Variants in CRLF3 observed in about 807,000 individuals in gnomAD.
CRLF3 encodes the protein cytokine receptor like factor 3.
Under a neutral mutation model 55.0 loss-of-function variants are expected in CRLF3, and 33 were observed. The ratio of observed to expected loss-of-function variants is 0.60; its 90% confidence interval spans 0.46 to 0.80. The LOEUF (loss-of-function observed/expected upper bound fraction) is 0.80. Among genes scored for constraint, CRLF3 ranks in the 30% least tolerant of loss-of-function variants. CRLF3 has a pLI of 0.00. For synonymous variants in CRLF3, 238 were observed against 196.8 expected (o/e 1.21, Z -1.75); for missense variants, 494 against 538.4 (o/e 0.92, Z 0.82).
At position 30,788,599 on chromosome 17, in the gene CRLF3, C is replaced by CTTTTTTTTTTTTT. The variant is rs1159336036; in HGVS notation, c.960-2581_960-2569dup. On this transcript the variant is annotated intron_variant, in intron 6 of 7. Coordinates refer to ENST00000324238, the MANE Select transcript of CRLF3 (RefSeq NM_015986.4). The stretch of plus-strand genomic sequence containing the variant: ...GGGATAAATAACAAAGTAGTGCCTT[C>CTTTTTTTTTTTTT]TTTTTTTTTTTTTTTTTTTTTTTTT... Among the ~76,000 whole-genome samples, 19 of 80,038 alleles carry CTTTTTTTTTTTTT rather than the reference C, an allele frequency of 2.4e-4. 2 individuals carry two copies. The highest frequency in any genetic ancestry group is 9.9e-4 in the African/African-American group (17 of 17,232). The allele number at this position is 80,038 out of a possible 152,430, so 52.5% of individuals were successfully genotyped here.
At chr17:30,818,281 T>C (rs998690613) in intron 1 of CRLF3, among the ~76,000 whole-genome samples, 1 of 151,978 alleles carries the variant, frequency 6.6e-6, no homozygotes, top group Non-Finnish European at 1.5e-5. Flanking sequence ...TTATTTCATC[T>C]GTTCTTGGTT....
At chr17:30,790,606 C>CTTTTTTTTT (rs573997612) in intron 6 of CRLF3, 10 of 75,652 alleles carry the variant, frequency 1.3e-4, no homozygotes, top group African/African-American at 4.6e-4. Context: ...AATTTTTTTG[C>CTTTTTTTTT]TTTTTTTTTT....
At chr17:30,788,677 G>A (rs1039442995) in intron 6 of CRLF3, among the ~76,000 whole-genome samples, 1 of 137,698 alleles carries the variant, frequency 7.3e-6, no homozygotes, top group African/African-American at 2.8e-5. Flanking sequence ...GCGTGATCTC[G>A]GCTCACTGCA....
At chr17:30,812,173 A>G (rs1361989106) in intron 1 of CRLF3, among the ~76,000 whole-genome samples, 1 of 152,198 alleles carries the variant, frequency 6.6e-6, no homozygotes, top group Non-Finnish European at 1.5e-5. Flanking sequence ...CTGAAATTGA[A>G]AACGCTAATC....
At position 30,784,010 on chromosome 17, in the gene CRLF3, T is replaced by C. The variant is rs2142236152; in HGVS notation, c.*177A>G. The C allele has an allele frequency of 1.2e-5, 7 of 571,048 alleles. No homozygotes were observed. The highest frequency in any genetic ancestry group is 1.2e-4 in the South Asian group (5 of 40,998). The allele number at this position is 571,048 out of a possible 1,614,324, so 35.4% of individuals were successfully genotyped here. On this transcript the variant is annotated 3_prime_UTR_variant, in exon 8 of 8. Transcript: ENST00000324238. Reference sequence around the variant, plus strand: ...AATAAAATTGACTGAATTGTATGATTTTGTCCACAACATTGAAGTCTCTTT... The same window carrying C: ...AATAAAATTGACTGAATTGTATGATCTTGTCCACAACATTGAAGTCTCTTT...
At chr17:30,822,930 A>G (rs951192731) in intron 1 of CRLF3, among the ~76,000 whole-genome samples, 3 of 152,218 alleles carry the variant, frequency 2.0e-5, no homozygotes, top group Non-Finnish European at 4.4e-5. Context: ...ATATTTTCAA[A>G]GAGAAATAGA....
chr17:30,813,976 G>T lies in CRLF3; in HGVS notation c.130-9868C>A, dbSNP rs548358162. On this transcript the variant is annotated intron_variant, in intron 1 of 7. Transcript: ENST00000324238. ...GCCCTCAATAATAAAAAAAGGCTGG[G>T]TTGGGTGTGGTGGCTCTCACTTGTA... Among the ~76,000 whole-genome samples the T allele has an allele frequency of 2.3e-3, 357 of 152,292 alleles. 3 individuals carry two copies. The highest frequency in any genetic ancestry group is 8.1e-3 in the African/African-American group (336 of 41,564).
intron 1 of CRLF3, among the ~76,000 whole-genome samples, chr17:30,820,953 T>G (rs1482575025): frequency 6.6e-6 from 1 of 151,172 alleles, no homozygotes; most frequent in Non-Finnish European, 1.5e-5. Flanking sequence ...TACTTGGGGA[T>G]CTGAGACAGG....
At chr17:30,822,339 T>C (rs1271893186) in intron 1 of CRLF3, among the ~76,000 whole-genome samples, 1 of 152,222 alleles carries the variant, frequency 6.6e-6, no homozygotes, top group Non-Finnish European at 1.5e-5. Context: ...AGAGGACTTA[T>C]GCCACAAACC....
At chr17:30,799,204 C>T (rs1284427491) in intron 2 of CRLF3, among the ~76,000 whole-genome samples, 3 of 151,290 alleles carry the variant, frequency 2.0e-5, no homozygotes, top group African/African-American at 7.3e-5. Flanking sequence ...ACCTGCGAGG[C>T]GTAGGCTGCA....
chr17:30,787,112 G>C (rs755595270), intron 6 of CRLF3, among the ~76,000 whole-genome samples: 1 of 152,092 alleles, frequency 6.6e-6, no homozygotes, highest in Non-Finnish European at 1.5e-5. Context: ...CTGGGATTAC[G>C]GAGTGAGCCA....
At chr17:30,795,058 A>C (rs1407816424) in intron 4 of CRLF3, among the ~76,000 whole-genome samples, 2 of 152,206 alleles carry the variant, frequency 1.3e-5, no homozygotes, top group Non-Finnish European at 2.9e-5. Context: ...AAACACAAGT[A>C]AAAATACTTA....
At chr17:30,785,292 G>T (rs1319405229) in intron 7 of CRLF3, 4 of 151,444 alleles carry the variant, frequency 2.6e-5, no homozygotes, top group Non-Finnish European at 4.4e-5. Context: ...GGCCGGGCTG[G>T]TCTTGAACTC....
At chr17:30,824,477 C>G (rs768422282) in intron 1 of CRLF3, 46 bp downstream of exon 1, 3 of 1,531,508 alleles carry the variant, frequency 2.0e-6, no homozygotes, top group African/African-American at 1.4e-5. Context: ...CCGGCATCCG[C>G]GCCACCCCCG....
At chr17:30,819,076 C>CA (rs1370993038) in intron 1 of CRLF3, among the ~76,000 whole-genome samples, 1 of 152,216 alleles carries the variant, frequency 6.6e-6, no homozygotes, top group Non-Finnish European at 1.5e-5. Context: ...CTCGGCCTCC[C>CA]AAAGTGCTGG....
Position 30,824,674 on chromosome 17 carries a change from C to A in CRLF3, c.-23G>T. The A allele has an allele frequency of 6.3e-7, 1 of 1,582,912 alleles. No homozygotes were observed. Among genetic ancestry groups the A allele is most frequent in the Non-Finnish European group, 8.5e-7 (1 of 1,171,222 alleles). On this transcript the variant is annotated 5_prime_UTR_variant, in exon 1 of 8. In the 5' UTR this introduces an upstream ATG that the reference lacks. Transcript: ENST00000324238. ...CATCTGGCCGCGCGGCCGGCGAAAC[C>A]TAGCGCGGGTTCCCGACTGCACCGG...
intron 1 of CRLF3, among the ~76,000 whole-genome samples, chr17:30,822,102 A>G (rs1905017162): frequency 1.3e-5 from 2 of 151,914 alleles, no homozygotes; most frequent in African/African-American, 2.4e-5. Context: ...CATCTGCCAA[A>G]AAGATATAAA....
intron 6 of CRLF3, among the ~76,000 whole-genome samples, chr17:30,791,940 G>T (rs891620796): frequency 6.6e-6 from 1 of 151,940 alleles, no homozygotes; most frequent in Non-Finnish European, 1.5e-5. Flanking sequence ...TCTGCCTCTT[G>T]GGTTCAAGCA....
chr17:30,818,954 TAC>T (rs1355111447), intron 1 of CRLF3, among the ~76,000 whole-genome samples: 9 of 152,054 alleles, frequency 5.9e-5, no homozygotes, highest in Non-Finnish European at 1.2e-4. Flanking sequence ...TAGCTGGAAT[TAC>T]AGGTGCATTC....
Sources: allele counts gnomAD v4.1 joint callset (sites outside exome capture counted in the v4.1 genomes callset), GRCh38; gene constraint gnomAD v4.1.1; transcripts MANE v1.5; gene names NCBI Gene and HGNC (gene_info 2026-07-23, HGNC 2026-07-21).